The following HEMK1 variants were observed in gnomAD, a reference collection of about 807,000 sequenced individuals.
The protein encoded by HEMK1 is HemK methyltransferase 1, mitochondrial release factors N(5)-glutamine.
A neutral mutation model predicts 47.9 loss-of-function variants in HEMK1; 36 were observed. The ratio of observed to expected loss-of-function variants is 0.75; its 90% CI spans 0.58 to 0.99. The LOEUF (loss-of-function observed/expected upper bound fraction) is 0.99. Among genes scored for constraint, HEMK1 ranks in the 50% least tolerant of loss-of-function variants. The pLI is 0.00. For missense variants in HEMK1, 383 were observed against 434.5 expected (o/e 0.88, Z 1.05); for synonymous variants, 153 against 165.4 (o/e 0.93, Z 0.57).
intron 8 of HEMK1, 127 bp downstream of exon 8, chr3:50,579,053 G>C: frequency 1.5e-6 from 1 of 668,092 alleles, no homozygotes; most frequent in Non-Finnish European, 2.6e-6. Flanking sequence ...GTGTTAAGTT[G>C]ACGCACTCGA....
chr3:50,580,038 A>C (rs1575951232), intron 9 of HEMK1, 78 bp from the exon 10 acceptor site: 2 of 1,527,900 alleles, frequency 1.3e-6, no homozygotes, highest in Non-Finnish European at 1.8e-6. Flanking sequence ...CAGGACCCTC[A>C]CCTCGCCAGC....
chr3:50,591,500 C>T lies in HEMK1; in HGVS notation c.*11083C>T, dbSNP rs441516. On this transcript the variant is annotated 3_prime_UTR_variant, in exon 11 of 11. Coordinates refer to ENST00000232854, the MANE Select transcript of HEMK1 (RefSeq NM_016173.5). ...ACACACCCTTGCACAGGCACCCACA[C>T]GTACGTGTATGTTCATGGGCGTGGG... is the stretch of plus-strand genomic sequence containing the variant. 116,786 of 152,348 alleles carry T rather than the reference C, an allele frequency of 0.77. 45,914 individuals carry two copies. Among genetic ancestry groups the T allele is most frequent in the Middle Eastern group, 0.89 (262 of 296 alleles). 9.4% of individuals were successfully genotyped at this position (152,348 alleles called of 1,614,324 possible).
At position 50,582,572 on chromosome 3, in the gene HEMK1, A is replaced by C. The variant is rs1290112775; in HGVS notation, c.*2155A>C. 6.6e-6 allele frequency: 1 copy of C among 152,258 alleles called. No homozygotes were observed. Among genetic ancestry groups the C allele is most frequent in the Non-Finnish European group, 1.5e-5 (1 of 68,050 alleles). The allele number at this position is 152,258 out of a possible 1,614,324, so 9.4% of individuals were successfully genotyped here. A position where few individuals can be genotyped will look rare whatever the true frequency, so the allele number is the denominator to read the frequency against. On this transcript the variant is annotated 3_prime_UTR_variant, in exon 11 of 11. Coordinates refer to ENST00000232854, the MANE Select transcript of HEMK1 (RefSeq NM_016173.5). ...TGCTTTATTTTATAGGATGCATGTG[A>C]GGAGCCCATGGGATGTGCCTGGCTT... is the stretch of plus-strand genomic sequence containing the variant.
Position 50,571,261 on chromosome 3 carries a change from G to T in HEMK1, c.157G>T (p.Glu53Ter). ...GGTCAGCCACTGGACTGGGGTCTTT[G>T]AGAAGAGGGGTATCCCTGAGGCCCG... is the stretch of plus-strand genomic sequence containing the variant. ...ELVSHWTGVFEKRGIPEARES... is the reference protein window; with the variant it reads ...ELVSHWTGVF Residue 53 changes from glutamate to a stop codon, truncating the protein, a stop_gained, in exon 2 of 11, where the codon GAG becomes TAG. Coordinates refer to ENST00000232854, the MANE Select transcript of HEMK1 (RefSeq NM_016173.5). LOFTEE classifies it high-confidence loss of function. The T allele has an allele frequency of 6.2e-7, 1 of 1,613,384 alleles. No homozygotes were observed. Among genetic ancestry groups the T allele is most frequent in the Non-Finnish European group, 8.5e-7 (1 of 1,179,686 alleles).
Position 50,571,269 on chromosome 3 carries a change from G to A in HEMK1, c.165G>A (p.Arg55=). The change falls in exon 2 of 11, where the codon AGG becomes AGA. Residue 55 remains arginine, a synonymous_variant. Transcript: ENST00000232854. The stretch of plus-strand genomic sequence containing the variant: ...ACTGGACTGGGGTCTTTGAGAAGAG[G>A]GGTATCCCTGAGGCCCGGGAATCCA... ...VSHWTGVFEK[R]GIPEARESSE... is the part of the protein sequence containing the mutation. 2 of 1,613,032 alleles carry A rather than the reference G, an allele frequency of 1.2e-6. No individual in the cohort carries two copies. Among genetic ancestry groups the A allele is most frequent in the Non-Finnish European group, 1.7e-6 (2 of 1,179,514 alleles).
At position 50,592,877 on chromosome 3, in the gene HEMK1, G is replaced by A. The variant is rs1292041050; in HGVS notation, c.*12460G>A. Reference sequence around the variant, plus strand: ...CCCGAGGCAAAGCTGGCCCCGTGGAGTTTGCTATTCCAGCTTTTATTTACT... The same window carrying A: ...CCCGAGGCAAAGCTGGCCCCGTGGAATTTGCTATTCCAGCTTTTATTTACT... On this transcript the variant is annotated 3_prime_UTR_variant, in exon 11 of 11. Coordinates refer to ENST00000232854, the MANE Select transcript of HEMK1 (RefSeq NM_016173.5). 1 of 152,446 alleles carries A rather than the reference G, an allele frequency of 6.6e-6. No homozygotes were observed. The highest frequency in any genetic ancestry group is 1.5e-5 in the Non-Finnish European group (1 of 68,196). 9.4% of individuals were successfully genotyped at this position (152,446 alleles called of 1,614,324 possible).
chr3:50,578,567 C>T (rs1398043327), intron 7 of HEMK1, among the ~76,000 whole-genome samples: 1 of 152,204 alleles, frequency 6.6e-6, no homozygotes. Flanking sequence ...TGAACAGAGT[C>T]TTGCATAATA....
intron 1 of HEMK1, chr3:50,570,336 A>AT (rs1237940375): frequency 2.6e-5 from 4 of 152,172 alleles, no homozygotes; most frequent in Admixed American, 1.3e-4. Context: ...ACAATTGTAA[A>AT]TTTTTTAGTT....
rs757138111 is a variant in HEMK1, at chr3:50,593,445, C to A, written c.*13028C>A. 6.6e-5 allele frequency: 10 copies of A among 152,162 alleles called. No individual in the cohort carries two copies. Among genetic ancestry groups the A allele is most frequent in the Non-Finnish European group, 1.2e-4 (8 of 68,046 alleles). 9.4% of individuals were successfully genotyped at this position (152,162 alleles called of 1,614,324 possible). A position where few individuals can be genotyped will look rare whatever the true frequency, so the allele number is the denominator to read the frequency against. On this transcript the variant is annotated 3_prime_UTR_variant, in exon 11 of 11. Transcript: ENST00000232854. ...AGCGGAAGGTGGCTTTCAGCTCCCCCCTTCTCATTTTTTCTTACTGTGGCT... is the reference window on the plus strand; with the variant it reads ...AGCGGAAGGTGGCTTTCAGCTCCCCACTTCTCATTTTTTCTTACTGTGGCT...
intron 6 of HEMK1, 33 bp downstream of exon 6, chr3:50,577,606 C>A: frequency 6.3e-7 from 1 of 1,593,090 alleles, no homozygotes; most frequent in Non-Finnish European, 8.6e-7. Flanking sequence ...GGGGCCTAAT[C>A]TTGACTCCTT....
rs2031109800 is a variant in HEMK1, at chr3:50,583,942, G to C, written c.*3525G>C. ...ACCCAAGTTCAGTAAATGTCTATCA[G>C]TAAGCTGATGGTACATGCATTTTCT... On this transcript the variant is annotated 3_prime_UTR_variant, in exon 11 of 11. Transcript: ENST00000232854. The C allele has an allele frequency of 6.6e-6, 1 of 152,234 alleles. No individual in the cohort carries two copies. Among genetic ancestry groups the C allele is most frequent in the African/African-American group, 2.4e-5 (1 of 41,426 alleles). 9.4% of individuals were successfully genotyped at this position (152,234 alleles called of 1,614,324 possible).
intron 6 of HEMK1, 121 bp downstream of exon 6, chr3:50,577,694 C>A (rs1294445700): frequency 1.7e-5 from 23 of 1,354,010 alleles, no homozygotes; most frequent in Non-Finnish European, 2.2e-5. Flanking sequence ...GCATGGGTCC[C>A]ATGGGGTTCT....
upstream of HEMK1, chr3:50,569,342 G>A (rs1338474688): frequency 1.4e-4 from 21 of 152,334 alleles, no homozygotes; most frequent in Admixed American, 1.3e-3. Context: ...TGCGAGCGTA[G>A]AGGGAGTGGA....
intron 4 of HEMK1, 134 bp from the exon 5 acceptor site, chr3:50,576,918 C>A (rs1701652800): frequency 2.8e-6 from 3 of 1,067,628 alleles, no homozygotes; most frequent in East Asian, 4.9e-5. Flanking sequence ...CATGCCCCAG[C>A]TGACATGAAG....
intron 4 of HEMK1, 93 bp downstream of exon 4, chr3:50,572,301 C>T: frequency 7.1e-7 from 1 of 1,402,928 alleles, no homozygotes; most frequent in Non-Finnish European, 9.8e-7. Flanking sequence ...GGCACTGGGG[C>T]CCCATGACTT....
In HEMK1 at chr3:50,581,462, G is replaced by A. The variant is rs1441961922; in HGVS notation, c.*1045G>A. ...GCAGTATGGTCTGATGGGCAGTATG[G>A]TCCAATAGGCAGCATCCTCTGCTGC... On this transcript the variant is annotated 3_prime_UTR_variant, in exon 11 of 11. Coordinates refer to ENST00000232854, the MANE Select transcript of HEMK1 (RefSeq NM_016173.5). 2.0e-5 allele frequency: 3 copies of A among 152,282 alleles called. No homozygotes were observed. Among genetic ancestry groups the A allele is most frequent in the Non-Finnish European group, 4.4e-5 (3 of 68,082 alleles). 9.4% of individuals were successfully genotyped at this position (152,282 alleles called of 1,614,324 possible). A position where few individuals can be genotyped will look rare whatever the true frequency, so the allele number is the denominator to read the frequency against.
In HEMK1 at chr3:50,591,999, G is replaced by C. The variant is rs1439908056; in HGVS notation, c.*11582G>C. ...GCCTATAATCCCAGCTACTCAGGAG[G>C]CTGAGGCAGGAGAATGGCCTGAACC... On this transcript the variant is annotated 3_prime_UTR_variant, in exon 11 of 11. Transcript: ENST00000232854. 2 of 151,882 alleles carry C rather than the reference G, an allele frequency of 1.3e-5. No individual in the cohort carries two copies. Among genetic ancestry groups the C allele is most frequent in the Admixed American group, 6.6e-5 (1 of 15,244 alleles). 9.4% of individuals were successfully genotyped at this position (151,882 alleles called of 1,614,324 possible).
At position 50,596,017 on chromosome 3, in the gene HEMK1, C is replaced by T. The variant is rs2031956122; in HGVS notation, c.*15600C>T. The T allele has an allele frequency of 6.6e-6, 1 of 152,202 alleles. No homozygotes were observed. The highest frequency in any genetic ancestry group is 1.5e-5 in the Non-Finnish European group (1 of 68,034). 9.4% of individuals were successfully genotyped at this position (152,202 alleles called of 1,614,324 possible). A position where few individuals can be genotyped will look rare whatever the true frequency, so the allele number is the denominator to read the frequency against. On this transcript the variant is annotated 3_prime_UTR_variant, in exon 11 of 11. Coordinates refer to ENST00000232854, the MANE Select transcript of HEMK1 (RefSeq NM_016173.5). ...GGTGGAAGGTGTGAGGTAGACGTTG[C>T]ACTTTTTTTTCCTTCCAAATTGCTC...
rs1460683531 is a variant in HEMK1 at position 50,590,909 on chromosome 3, T to C, written c.*10492T>C. On this transcript the variant is annotated 3_prime_UTR_variant, in exon 11 of 11. Coordinates refer to ENST00000232854, the MANE Select transcript of HEMK1 (RefSeq NM_016173.5). ...TGAAAGCCCAGAGTTTCACTGTTTC[T>C]GGGTACCTTCATTTCTGGGAACTAA... The C allele has an allele frequency of 6.6e-6, 1 of 152,224 alleles. No homozygotes were observed. Among genetic ancestry groups the C allele is most frequent in the African/African-American group, 2.4e-5 (1 of 41,452 alleles). 9.4% of individuals were successfully genotyped at this position (152,224 alleles called of 1,614,324 possible). A position where few individuals can be genotyped will look rare whatever the true frequency, so the allele number is the denominator to read the frequency against.
Sources: allele counts gnomAD v4.1 joint callset (sites outside exome capture counted in the v4.1 genomes callset), GRCh38; gene constraint gnomAD v4.1.1; transcripts MANE v1.5; gene names NCBI Gene and HGNC (gene_info 2026-07-23, HGNC 2026-07-21).